The following SLC31A1 variants were observed in gnomAD, a reference collection of about 807,000 sequenced individuals.
SLC31A1 encodes high affinity copper uptake protein 1.
In SLC31A1, 5 loss-of-function variants were observed where a neutral mutation model predicts 17.2. The observed-to-expected ratio is 0.29, with a 90% confidence interval of 0.15 to 0.61. The LOEUF (loss-of-function observed/expected upper bound fraction) is 0.61. SLC31A1 is among the 20% of genes least tolerant of loss of function. SLC31A1 has a pLI of 0.86. For missense variants in SLC31A1, 161 were observed against 241.4 expected, an observed-to-expected ratio of 0.67 and a Z score of 2.21; for synonymous variants, 76 against 78.8, an observed-to-expected ratio of 0.96 and a Z score of 0.19.
intron 1 of SLC31A1, among the ~76,000 whole-genome samples, chr9:113,230,088 CAA>C (rs767895795): frequency 6.6e-6 from 1 of 152,166 alleles, no homozygotes; most frequent in African/African-American, 2.4e-5. Context: ...AAAGATGAAA[CAA>C]AGAGAGCCTA....
At chr9:113,240,068 T>A (rs1183055756) in intron 1 of SLC31A1, among the ~76,000 whole-genome samples, 1 of 152,240 alleles carries the variant, frequency 6.6e-6, no homozygotes, top group Non-Finnish European at 1.5e-5. Flanking sequence ...AGTCAGCTCC[T>A]TTAAGAAAGC....
At chr9:113,238,977 A>G (rs1043551876) in intron 1 of SLC31A1, among the ~76,000 whole-genome samples, 5 of 152,090 alleles carry the variant, frequency 3.3e-5, no homozygotes, top group African/African-American at 1.2e-4. Flanking sequence ...CATCGTATTT[A>G]TTGATTTTTT....
At chr9:113,256,327 A>G (rs1831728374) in intron 2 of SLC31A1, 50 bp downstream of exon 2, 1 of 1,602,620 alleles carries the variant, frequency 6.2e-7, no homozygotes. Context: ...CCACTTGGGT[A>G]ATAGAAATAA....
intron 1 of SLC31A1, among the ~76,000 whole-genome samples, chr9:113,248,743 T>C (rs747779575): frequency 5.3e-5 from 8 of 152,134 alleles, no homozygotes; most frequent in Non-Finnish European, 8.8e-5. Context: ...CCTCCCAAAG[T>C]GCTGGGATTA....
chr9:113,237,008 G>A (rs1480781611), intron 1 of SLC31A1, among the ~76,000 whole-genome samples: 1 of 152,196 alleles, frequency 6.6e-6, no homozygotes, highest in Non-Finnish European at 1.5e-5. Context: ...TAAAGGAGTA[G>A]AATAAATGGT....
At chr9:113,242,007 G>A (rs1831526375) in intron 1 of SLC31A1, among the ~76,000 whole-genome samples, 1 of 152,162 alleles carries the variant, frequency 6.6e-6, no homozygotes, top group African/African-American at 2.4e-5. Flanking sequence ...GGCTAACATG[G>A]TGAAACCCCA....
chr9:113,230,368 T>G (rs1038030087), intron 1 of SLC31A1, among the ~76,000 whole-genome samples: 1 of 152,108 alleles, frequency 6.6e-6, no homozygotes, highest in Non-Finnish European at 1.5e-5. Context: ...CAAAAGTAGA[T>G]CCTATGGCCT....
At chr9:113,245,665 C>A (rs902568702) in intron 1 of SLC31A1, among the ~76,000 whole-genome samples, 8 of 151,788 alleles carry the variant, frequency 5.3e-5, no homozygotes, top group African/African-American at 1.7e-4. Context: ...ACAAGACATT[C>A]CTGTTGCCCA....
At chr9:113,221,710 C>G (rs41280221) in intron 1 of SLC31A1, 32 bp downstream of exon 1, 7 of 278,060 alleles carry the variant, frequency 2.5e-5, no homozygotes, top group Non-Finnish European at 5.0e-5. Context: ...CTTTCGCACC[C>G]CTGTGCATGG....
chr9:113,230,017 A>G (rs1831384500), intron 1 of SLC31A1, among the ~76,000 whole-genome samples: 1 of 152,228 alleles, frequency 6.6e-6, no homozygotes, highest in South Asian at 2.1e-4. Flanking sequence ...ACTAGCATTT[A>G]CCAAGTAGAG....
intron 1 of SLC31A1, among the ~76,000 whole-genome samples, chr9:113,222,844 T>C (rs1308591577): frequency 1.3e-5 from 2 of 152,186 alleles, no homozygotes; most frequent in Non-Finnish European, 2.9e-5. Flanking sequence ...AGTAACTGGA[T>C]TAAGTACCAT....
At chr9:113,225,502 C>G (rs10981695) in intron 1 of SLC31A1, among the ~76,000 whole-genome samples, 11,516 of 152,170 alleles carry the variant, frequency 0.076, 534 homozygotes, top group South Asian at 0.14. Flanking sequence ...TCTAATGGCC[C>G]CTAGAACATG....
At chr9:113,244,155 C>CAAAAA (rs1200835310) in intron 1 of SLC31A1, among the ~76,000 whole-genome samples, 8 of 41,282 alleles carry the variant, frequency 1.9e-4, no homozygotes, top group East Asian at 8.3e-4. Context: ...AACTCCATCT[C>CAAAAA]AAAAAAAAAA....
Position 113,258,001 on chromosome 9 carries a change from T to C in SLC31A1, c.203-693T>C, listed in dbSNP as rs1351178317. Among the ~76,000 whole-genome samples the C allele has an allele frequency of 6.6e-6, 1 of 152,194 alleles. No homozygotes were observed. The highest frequency in any genetic ancestry group is 1.5e-5 in the Non-Finnish European group (1 of 68,044). On this transcript the variant is annotated intron_variant, in intron 3 of 4. Transcript: ENST00000374212. The surrounding 1 kb of genome is among the most constrained non-coding windows in gnomAD (Gnocchi z 4.8). ...GACCTTCTAGAGCTACCTAGACCAG[T>C]GTTCTTTTAGTCTACCAAACTATGG...
At position 113,256,155 on chromosome 9, in the gene SLC31A1, C is replaced by T; in HGVS notation, c.7C>T (p.His3Tyr). Reference sequence around the variant, plus strand: ...TCAACTTTTCCTGGAAAAAATGGATCATTCCCACCATATGGGGATGAGCTA... The same window carrying T: ...TCAACTTTTCCTGGAAAAAATGGATTATTCCCACCATATGGGGATGAGCTA... MDHSHHMGMSYMD... is the reference protein window; with the variant it reads MDYSHHMGMSYMD... Residue 3 changes from histidine (H) to tyrosine (Y), a missense_variant, in exon 2 of 5, where the codon CAT (histidine) becomes TAT (tyrosine). Physicochemically the swap from His to Tyr is moderately conservative, Grantham distance 83. Coordinates refer to ENST00000374212, the MANE Select transcript of SLC31A1 (RefSeq NM_001859.4). 6.2e-7 allele frequency: 1 copy of T among 1,612,140 alleles called. No homozygotes were observed. The highest frequency in any genetic ancestry group is 8.5e-7 in the Non-Finnish European group (1 of 1,179,926).
chr9:113,239,987 T>C (rs1831504188), intron 1 of SLC31A1, among the ~76,000 whole-genome samples: 1 of 152,228 alleles, frequency 6.6e-6, no homozygotes, highest in Non-Finnish European at 1.5e-5. Context: ...CCTTATTTCT[T>C]CTCTCGACTC....
chr9:113,241,135 G>C (rs775283446), intron 1 of SLC31A1, among the ~76,000 whole-genome samples: 1 of 152,100 alleles, frequency 6.6e-6, no homozygotes, highest in Non-Finnish European at 1.5e-5. Context: ...AGTAGATTGA[G>C]ATAAGGCTGG....
At chr9:113,224,357 T>C (rs967894394) in intron 1 of SLC31A1, among the ~76,000 whole-genome samples, 14 of 152,172 alleles carry the variant, frequency 9.2e-5, no homozygotes, top group African/African-American at 3.4e-4. Context: ...TAGGTGTTTA[T>C]GAAATGTCCT....
chr9:113,236,904 G>T (rs1056432602), intron 1 of SLC31A1, among the ~76,000 whole-genome samples: 1 of 152,148 alleles, frequency 6.6e-6, no homozygotes. Context: ...CCAGAACACT[G>T]TTGAGTCAGT....
Sources: allele counts gnomAD v4.1 joint callset (sites outside exome capture counted in the v4.1 genomes callset), GRCh38; gene constraint gnomAD v4.1.1; non-coding constraint Gnocchi (gnomAD v3.1); transcripts MANE v1.5; gene names NCBI Gene and HGNC (gene_info 2026-07-23, HGNC 2026-07-21).